Variants in FANCC observed in about 807,000 individuals in gnomAD.
The protein encoded by FANCC is FA complementation group C.
In FANCC, 55 loss-of-function variants were observed where a neutral mutation model predicts 71.3. The observed-to-expected ratio is 0.77, with a 90% CI of 0.62 to 0.97. The LOEUF is 0.97. FANCC is among the 50% of genes least tolerant of loss of function. The probability of loss-of-function intolerance (pLI) is 0.00; values close to 1 mark genes in which losing one functional copy is unlikely to be tolerated. For missense variants in FANCC, 678 were observed against 670.9 expected, an observed-to-expected ratio of 1.01 and a Z score of -0.12; for synonymous variants, 275 against 244.9, an observed-to-expected ratio of 1.12 and a Z score of -1.15.
intron 3 of FANCC, among the ~76,000 whole-genome samples, chr9:95,244,218 G>C (rs1419214708): frequency 6.6e-6 from 1 of 152,164 alleles, no homozygotes; most frequent in Non-Finnish European, 1.5e-5. Context: ...GCCCCAGCAG[G>C]GGCTCTCCTG....
chr9:95,298,618 C>T (rs139390269), intron 1 of FANCC, among the ~76,000 whole-genome samples: 2 of 152,254 alleles, frequency 1.3e-5, no homozygotes, highest in African/African-American at 2.4e-5. Flanking sequence ...TTGAAGAAAA[C>T]GTCTTGTACC....
chr9:95,107,312 G>GGACA, intron 13 of FANCC, 43 bp from the exon 14 acceptor site: 4 of 1,583,896 alleles, frequency 2.5e-6, no homozygotes, highest in Non-Finnish European at 2.6e-6. Context: ...GGAAGAGGCA[G>GGACA]GACAGACATA....
intron 10 of FANCC, among the ~76,000 whole-genome samples, chr9:95,119,411 G>C (rs2072695175): frequency 6.7e-6 from 1 of 149,124 alleles, no homozygotes; most frequent in Admixed American, 6.7e-5. Flanking sequence ...CTGTTGCCAA[G>C]CTGGAGTGCA....
At chr9:95,135,941 G>C (rs1326400274) in intron 7 of FANCC, among the ~76,000 whole-genome samples, 3 of 152,198 alleles carry the variant, frequency 2.0e-5, no homozygotes, top group Admixed American at 6.5e-5. Flanking sequence ...TGATCTCAGA[G>C]AAGTTAACCT....
intron 10 of FANCC, among the ~76,000 whole-genome samples, chr9:95,124,022 T>C (rs914183177): frequency 4.8e-5 from 7 of 145,884 alleles, no homozygotes; most frequent in African/African-American, 1.8e-4. Context: ...GAGGATCACC[T>C]GAGCTTGGGG....
intron 1 of FANCC, chr9:95,293,623 C>T: frequency 1.9e-6 from 3 of 1,614,240 alleles, no homozygotes; most frequent in Non-Finnish European, 1.7e-6. Context: ...ATACCTTCTG[C>T]ACAGTGGGCC....
intron 6 of FANCC, among the ~76,000 whole-genome samples, chr9:95,157,802 C>T (rs1830530007): frequency 1.3e-5 from 2 of 152,254 alleles, no homozygotes; most frequent in East Asian, 1.9e-4. Context: ...TTTTGGTATA[C>T]CCAAGAACTA....
chr9:95,180,754 T>G (rs900461754), intron 4 of FANCC, among the ~76,000 whole-genome samples: 2 of 152,112 alleles, frequency 1.3e-5, no homozygotes, highest in African/African-American at 4.8e-5. Flanking sequence ...ATGTACTATA[T>G]ATAATTATAT....
At chr9:95,230,763 T>C (rs1829956639) in intron 4 of FANCC, among the ~76,000 whole-genome samples, 1 of 152,164 alleles carries the variant, frequency 6.6e-6, no homozygotes, top group Non-Finnish European at 1.5e-5. Context: ...AGTGAGCTGG[T>C]GGCCGCTGCT....
intron 1 of FANCC, among the ~76,000 whole-genome samples, chr9:95,263,760 C>T (rs747952429): frequency 7.9e-5 from 12 of 152,106 alleles, no homozygotes; most frequent in Non-Finnish European, 4.4e-5. Flanking sequence ...CCCTTGTGAA[C>T]CTCCTAAAAG....
At chr9:95,124,959 TA>T in intron 10 of FANCC, 126 bp downstream of exon 10, 2 of 810,908 alleles carry the variant, frequency 2.5e-6, no homozygotes, top group East Asian at 2.7e-5. Context: ...GGGCACTCAT[TA>T]GGAACCTTTC....
intron 1 of FANCC, among the ~76,000 whole-genome samples, chr9:95,288,338 T>C (rs890896253): frequency 6.6e-6 from 1 of 152,226 alleles, no homozygotes; most frequent in Non-Finnish European, 1.5e-5. Context: ...GCTAGTATAA[T>C]AACTATTTGT....
chr9:95,134,921 C>A (rs964777785), intron 8 of FANCC, among the ~76,000 whole-genome samples: 30 of 152,244 alleles, frequency 2.0e-4, no homozygotes, highest in African/African-American at 5.8e-4. Context: ...CTGCTTTAAC[C>A]ATTTTTCTGG....
intron 6 of FANCC, among the ~76,000 whole-genome samples, chr9:95,159,593 T>C (rs1049762461): frequency 3.3e-5 from 5 of 152,236 alleles, no homozygotes; most frequent in African/African-American, 1.2e-4. Flanking sequence ...TTCTAGATGC[T>C]TGAGGAATCG....
chr9:95,147,376 C>T (rs1365491694), intron 7 of FANCC, among the ~76,000 whole-genome samples: 1 of 152,096 alleles, frequency 6.6e-6, no homozygotes, highest in African/African-American at 2.4e-5. Flanking sequence ...ATTAGCTGGG[C>T]GTGATGGTGC....
chr9:95,117,242 T>G, intron 11 of FANCC, 73 bp downstream of exon 11: 3 of 1,317,794 alleles, frequency 2.3e-6, no homozygotes, highest in Non-Finnish European at 3.3e-6. Context: ...AAGGGCCTGA[T>G]GAGGAGGTCA....
intron 6 of FANCC, among the ~76,000 whole-genome samples, chr9:95,168,451 G>T (rs941605479): frequency 2.0e-5 from 3 of 152,206 alleles, no homozygotes; most frequent in African/African-American, 7.2e-5. Flanking sequence ...TTTACTTTTT[G>T]TAGTTTGAGC....
intron 6 of FANCC, among the ~76,000 whole-genome samples, chr9:95,167,119 G>A (rs1448451666): frequency 6.6e-6 from 1 of 151,992 alleles, no homozygotes; most frequent in East Asian, 1.9e-4. Flanking sequence ...TTTCCTCCCT[G>A]GCTCTTTGAA....
chr9:95,135,353 G>A lies in FANCC; in HGVS notation c.836C>T (p.Ser279Leu). Reference sequence around the variant, plus strand: ...TCAAAACCCAGTACGTACCAGCGATGAATCTTTTATAAAGCATTCGATCCT... The same window carrying A: ...TCAAAACCCAGTACGTACCAGCGATAAATCTTTTATAAAGCATTCGATCCT... The part of the protein sequence containing the change: ...LRRIECFIKD[S>L]SLPQAACHPA... The change falls in exon 8 of 15, where the codon TCA becomes TTA. Residue 279 changes from serine to leucine, a missense_variant. Ser to Leu is a moderately radical substitution (Grantham distance 145, BLOSUM62 -2). Transcript: ENST00000289081. 2 of 1,613,892 alleles carry A rather than the reference G, an allele frequency of 1.2e-6. No homozygotes were observed. Among genetic ancestry groups the A allele is most frequent in the Non-Finnish European group, 1.7e-6 (2 of 1,179,954 alleles).
Sources: gnomAD v4.1 joint callset for allele counts (sites outside exome capture counted in the v4.1 genomes callset) on GRCh38, gnomAD v4.1.1 for gene constraint, MANE v1.5 for transcripts, NCBI Gene and HGNC (gene_info 2026-07-23, HGNC 2026-07-21) for gene names.